The following FGF2 variants were observed in gnomAD, a reference collection of about 807,000 sequenced individuals.
FGF2 encodes the protein fibroblast growth factor 2.
A neutral mutation model predicts 15.9 loss-of-function variants in FGF2; 13 were observed. The ratio of observed to expected loss-of-function variants is 0.82; its 90% CI spans 0.53 to 1.30. The LOEUF (loss-of-function observed/expected upper bound fraction) is 1.30, where lower values mean the gene tolerates loss of function less well. Ranked by LOEUF, FGF2 falls within the 50% of genes most tolerant of loss-of-function variation. FGF2 has a pLI of 0.00. For missense variants in FGF2, 163 were observed against 196.9 expected, an observed-to-expected ratio of 0.83 and a Z score of 1.03; for synonymous variants, 90 against 78.4, an observed-to-expected ratio of 1.15 and a Z score of -0.78.
chr4:122,830,336 AAG>A (rs1382595869), intron 1 of FGF2, among the ~76,000 whole-genome samples: 3 of 152,214 alleles, frequency 2.0e-5, no homozygotes, highest in Non-Finnish European at 4.4e-5. Flanking sequence ...TGAGGTAGGA[AAG>A]AGAGGAAAAT....
chr4:122,864,153 A>ATTTTCTTTCTGAATCTCTGC lies in FGF2; in HGVS notation c.179-12159_179-12140dup, dbSNP rs1726525762. ...AAAAAAAATCACACTGCATCTTTTG[A>ATTTTCTTTCTGAATCTCTGC]TTTTCTTTCTGAATCTCTGCTTTTC... On this transcript the variant is annotated intron_variant, in intron 1 of 2. Transcript: ENST00000644866. Among the ~76,000 whole-genome samples, 8 of 151,934 alleles carry ATTTTCTTTCTGAATCTCTGC rather than the reference A, an allele frequency of 5.3e-5. No homozygotes were observed. The South Asian group carries it at 1.7e-3, about 32-fold the overall frequency.
At chr4:122,838,721 G>A (rs549863453) in intron 1 of FGF2, among the ~76,000 whole-genome samples, 2 of 152,246 alleles carry the variant, frequency 1.3e-5, no homozygotes, top group African/African-American at 4.8e-5. Context: ...CTGCCCCTTC[G>A]TCTATTCCAC....
At position 122,892,555 on chromosome 4, in the gene FGF2, T is replaced by C; in HGVS notation, c.*159T>C. On this transcript the variant is annotated 3_prime_UTR_variant, in exon 3 of 3. Transcript: ENST00000644866. Reference sequence around the variant, plus strand: ...GTAAAATATGTAACCATTGTCCCAGTAAAGAAAAATAACAAAAGTTGTAAA... The same window carrying C: ...GTAAAATATGTAACCATTGTCCCAGCAAAGAAAAATAACAAAAGTTGTAAA... 6.9e-7 allele frequency: 1 copy of C among 1,459,388 alleles called. No homozygotes were observed. The highest frequency in any genetic ancestry group is 1.5e-5 in the South Asian group (1 of 68,016). 90.4% of individuals were successfully genotyped at this position (1,459,388 alleles called of 1,614,324 possible). A position where few individuals can be genotyped will look rare whatever the true frequency, so the allele number is the denominator to read the frequency against.
chr4:122,860,447 CT>C (rs34541038), intron 1 of FGF2, among the ~76,000 whole-genome samples: 2,219 of 90,874 alleles, frequency 0.024, 30 homozygotes, highest in African/African-American at 0.087. Flanking sequence ...CTAAGGTTAA[CT>C]TTTTTTTTTT....
chr4:122,858,333 T>C (rs1726381392), intron 1 of FGF2, among the ~76,000 whole-genome samples: 1 of 152,186 alleles, frequency 6.6e-6, no homozygotes, highest in African/African-American at 2.4e-5. Context: ...GGGTACTCCA[T>C]ATACATGTAT....
intron 1 of FGF2, among the ~76,000 whole-genome samples, chr4:122,834,918 C>T (rs894740827): frequency 6.6e-6 from 1 of 152,148 alleles, no homozygotes; most frequent in East Asian, 1.9e-4. Flanking sequence ...GATAACACCA[C>T]TATTGTAGAT....
intron 1 of FGF2, among the ~76,000 whole-genome samples, chr4:122,844,294 G>A (rs1262046831): frequency 6.6e-6 from 1 of 152,216 alleles, no homozygotes; most frequent in Non-Finnish European, 1.5e-5. Flanking sequence ...ATTGTAGCAA[G>A]TCAGTCACAT....
chr4:122,892,908 C>A lies in FGF2; in HGVS notation c.*512C>A, dbSNP rs1472194302. 6.2e-7 allele frequency: 1 copy of A among 1,614,018 alleles called. No individual in the cohort carries two copies. On this transcript the variant is annotated 3_prime_UTR_variant, in exon 3 of 3. Transcript: ENST00000644866. ...TTATAAAACAGTCCTGTGTAAACTG[C>A]TGGAAGTTCTTCCACAGTCAGGTCA...
chr4:122,851,857 T>A (rs569405230), intron 1 of FGF2, among the ~76,000 whole-genome samples: 1 of 152,232 alleles, frequency 6.6e-6, no homozygotes, highest in Non-Finnish European at 1.5e-5. Context: ...AGCTGTGCCT[T>A]ACTAATTCTA....
rs773244045 is a variant in FGF2, at chr4:122,893,219, G to A, written c.*823G>A. ...CTCTTCAAAAACTTCTCGAACCGCT[G>A]TGTCTCCTACGTAAAAAAAGAGATG... On this transcript the variant is annotated 3_prime_UTR_variant, in exon 3 of 3. Transcript: ENST00000644866. 28 of 1,602,276 alleles carry A rather than the reference G, an allele frequency of 1.7e-5. No homozygotes were observed. In the South Asian group the frequency reaches 2.9e-4, roughly 17 times the overall value.
chr4:122,836,499 T>A (rs1725868918), intron 1 of FGF2, among the ~76,000 whole-genome samples: 1 of 152,224 alleles, frequency 6.6e-6, no homozygotes, highest in Admixed American at 6.5e-5. Context: ...ATTTTAATTT[T>A]ATGTCCCCCA....
In FGF2 at chr4:122,897,419, ATAT is replaced by A; in HGVS notation, c.*5028_*5030del. ...AAGAATAGGTGGTATGTTCCTAATG[ATAT>A]TATTTCTACTAATGGAATAAACTGT... On this transcript the variant is annotated 3_prime_UTR_variant, in exon 3 of 3. Transcript: ENST00000644866. The A allele has an allele frequency of 1.7e-6, 1 of 581,282 alleles. No individual in the cohort carries two copies. The highest frequency in any genetic ancestry group is 3.1e-6 in the Non-Finnish European group (1 of 324,376). 36.0% of individuals were successfully genotyped at this position (581,282 alleles called of 1,614,324 possible).
chr4:122,831,206 AC>A (rs2150760712), intron 1 of FGF2, among the ~76,000 whole-genome samples: 1 of 152,156 alleles, frequency 6.6e-6, no homozygotes, highest in African/African-American at 2.4e-5. Flanking sequence ...GCTTCTTACC[AC>A]CTGGTCCCTT....
At chr4:122,830,394 C>T (rs1415448033) in intron 1 of FGF2, among the ~76,000 whole-genome samples, 1 of 150,702 alleles carries the variant, frequency 6.6e-6, no homozygotes, top group Non-Finnish European at 1.5e-5. Flanking sequence ...ACAAATGTTT[C>T]CAATTTTTCA....
chr4:122,883,329 C>T (rs970408721), intron 2 of FGF2: 6 of 152,092 alleles, frequency 3.9e-5, no homozygotes, highest in African/African-American at 1.4e-4. Context: ...ATTTGTATAC[C>T]GTTTTTTCCC....
intron 1 of FGF2, among the ~76,000 whole-genome samples, chr4:122,871,607 T>C (rs1726734102): frequency 6.6e-6 from 1 of 151,784 alleles, no homozygotes; most frequent in Non-Finnish European, 1.5e-5. Flanking sequence ...TGGCATCAGG[T>C]TGGTGCTCCT....
intron 2 of FGF2, chr4:122,883,276 GT>G (rs1262051726): frequency 2.0e-5 from 3 of 152,114 alleles, no homozygotes; most frequent in Non-Finnish European, 4.4e-5. Context: ...GTTTTTAAGA[GT>G]TATGTTAGGT....
In FGF2 at chr4:122,827,829, C is replaced by T. The variant is rs1725680378; in HGVS notation, c.178+477C>T. On this transcript the variant is annotated intron_variant, in intron 1 of 2. Transcript: ENST00000644866. The surrounding 1 kb of genome is among the most constrained non-coding windows in gnomAD (Gnocchi z 4.2). The stretch of plus-strand genomic sequence containing the variant: ...AATTCCGACTCGGGACGACCCGAGG[C>T]ATATGGCACACTACTCTCACCCACT... 6.6e-6 allele frequency among the ~76,000 whole-genome samples: 1 copy of T among 152,220 alleles called. No individual in the cohort carries two copies. The highest frequency in any genetic ancestry group is 2.1e-4 in the South Asian group (1 of 4,834).
chr4:122,892,076 T>G, intron 2 of FGF2, 135 bp from the exon 3 acceptor site: 1 of 774,910 alleles, frequency 1.3e-6, no homozygotes. Flanking sequence ...CTTGTTAGTT[T>G]GATTGCCCTG....
Sources: gnomAD v4.1 joint callset for allele counts (sites outside exome capture counted in the v4.1 genomes callset) on GRCh38, gnomAD v4.1.1 for gene constraint, Gnocchi (gnomAD v3.1) non-coding constraint, MANE v1.5 for transcripts, NCBI Gene and HGNC (gene_info 2026-07-23, HGNC 2026-07-21) for gene names.